MGMT: variants seen among roughly 807,000 people sequenced by gnomAD.
MGMT encodes methylated-DNA--protein-cysteine methyltransferase.
In MGMT, 14 loss-of-function variants were observed where a neutral mutation model predicts 15.9. The ratio of observed to expected loss-of-function variants is 0.88; its 90% confidence interval spans 0.58 to 1.37. The LOEUF is 1.37. MGMT is among the 40% of genes most tolerant of loss of function. MGMT has a pLI of 0.00. For synonymous variants in MGMT, 130 were observed against 118.2 expected, an observed-to-expected ratio of 1.10 and a Z score of -0.65; for missense variants, 282 against 268.1, an observed-to-expected ratio of 1.05 and a Z score of -0.36.
At chr10:129,505,913 T>C (rs1845620026) in intron 1 of MGMT, among the ~76,000 whole-genome samples, 1 of 151,728 alleles carries the variant, frequency 6.6e-6, no homozygotes, top group South Asian at 2.1e-4. Flanking sequence ...TTTGATCCCT[T>C]CGGTCAGGTG....
intron 2 of MGMT, among the ~76,000 whole-genome samples, chr10:129,538,254 G>A (rs1846007186): frequency 6.6e-6 from 1 of 152,186 alleles, no homozygotes; most frequent in Admixed American, 6.5e-5. Flanking sequence ...GAACATTCAA[G>A]ATATGGAACA....
chr10:129,676,547 G>A (rs140642047), intron 2 of MGMT, among the ~76,000 whole-genome samples: 31 of 152,330 alleles, frequency 2.0e-4, no homozygotes, highest in Admixed American at 5.2e-4. Flanking sequence ...TGTTTGCAGG[G>A]GTTGGGCCAC....
chr10:129,503,867 G>A (rs979722338), intron 1 of MGMT, among the ~76,000 whole-genome samples: 3 of 152,144 alleles, frequency 2.0e-5, no homozygotes, highest in African/African-American at 7.2e-5. Context: ...AAATTGTTTA[G>A]ATATCAAAGG....
At chr10:129,525,496 C>T (rs538738154) in intron 1 of MGMT, among the ~76,000 whole-genome samples, 11 of 152,286 alleles carry the variant, frequency 7.2e-5, no homozygotes, top group South Asian at 2.1e-4. Context: ...ATAAGACGCA[C>T]GTGCCTGGGG....
intron 1 of MGMT, among the ~76,000 whole-genome samples, chr10:129,503,498 G>A (rs970919900): frequency 2.6e-5 from 4 of 152,226 alleles, no homozygotes; most frequent in Non-Finnish European, 5.9e-5. Flanking sequence ...ATGAAATGTG[G>A]TGTTGCAATA....
Position 129,556,453 on chromosome 10 carries a change from C to T in MGMT, c.125+20076C>T, listed in dbSNP as rs1846215033. ...CTTCTGCAAGCCAAGGAGAGAGCGCCTTGGAGAAAACCAGCTGTGCCTACA... is the reference window on the plus strand; with the variant it reads ...CTTCTGCAAGCCAAGGAGAGAGCGCTTTGGAGAAAACCAGCTGTGCCTACA... On this transcript the variant is annotated intron_variant, in intron 2 of 4. Transcript: ENST00000651593. The surrounding 1 kb of genome is among the most constrained non-coding windows in gnomAD (Gnocchi z 4.3). Among the ~76,000 whole-genome samples the T allele has an allele frequency of 6.6e-6, 1 of 152,120 alleles. No homozygotes were observed. Among genetic ancestry groups the T allele is most frequent in the South Asian group, 2.1e-4 (1 of 4,826 alleles).
At chr10:129,548,143 A>G (rs1012941043) in intron 2 of MGMT, among the ~76,000 whole-genome samples, 1 of 152,170 alleles carries the variant, frequency 6.6e-6, no homozygotes, top group Non-Finnish European at 1.5e-5. Context: ...AACCCATTAT[A>G]GTAGGAAAAT....
intron 2 of MGMT, among the ~76,000 whole-genome samples, chr10:129,669,200 AT>A (rs566347065): frequency 4.0e-5 from 6 of 151,144 alleles, no homozygotes; most frequent in South Asian, 4.2e-4. Flanking sequence ...TTTTACTGCA[AT>A]TTTTTTTTGT....
chr10:129,526,157 A>G (rs1294669724), intron 1 of MGMT, among the ~76,000 whole-genome samples: 3 of 152,240 alleles, frequency 2.0e-5, no homozygotes, highest in African/African-American at 7.2e-5. Flanking sequence ...GGTGAGCATC[A>G]GCCACACCAC....
intron 1 of MGMT, among the ~76,000 whole-genome samples, chr10:129,501,586 T>G (rs1452157071): frequency 6.6e-6 from 1 of 152,176 alleles, no homozygotes; most frequent in African/African-American, 2.4e-5. Context: ...AGTCAGTCAT[T>G]TACCTCCCCA....
intron 2 of MGMT, among the ~76,000 whole-genome samples, chr10:129,620,449 T>C (rs969410177): frequency 6.6e-6 from 1 of 152,216 alleles, no homozygotes; most frequent in Non-Finnish European, 1.5e-5. Flanking sequence ...ACTCGAATTA[T>C]GGATTTGTCT....
intron 1 of MGMT, among the ~76,000 whole-genome samples, chr10:129,536,020 A>G (rs547977186): frequency 7.9e-5 from 12 of 152,344 alleles, no homozygotes; most frequent in Admixed American, 2.0e-4. Context: ...TTTAGGAAAT[A>G]AAAGGAGACT....
chr10:129,596,080 A>G (rs1477645054), intron 2 of MGMT, among the ~76,000 whole-genome samples: 1 of 150,408 alleles, frequency 6.6e-6, no homozygotes, highest in Non-Finnish European at 1.5e-5. Flanking sequence ...ATCATTGCTT[A>G]CTTCCCCCTG....
chr10:129,540,512 G>A (rs1040829675), intron 2 of MGMT, among the ~76,000 whole-genome samples: 25 of 152,178 alleles, frequency 1.6e-4, no homozygotes, highest in African/African-American at 4.6e-4. Context: ...TTTCAGAGGC[G>A]TCTTCCTCAC....
intron 1 of MGMT, among the ~76,000 whole-genome samples, chr10:129,529,732 A>G (rs546617798): frequency 1.3e-5 from 2 of 152,318 alleles, no homozygotes; most frequent in South Asian, 2.1e-4. Flanking sequence ...TTTGTTTTGC[A>G]TATAAGACAT....
intron 3 of MGMT, among the ~76,000 whole-genome samples, chr10:129,719,493 G>A (rs1228989702): frequency 1.3e-5 from 2 of 152,204 alleles, no homozygotes; most frequent in East Asian, 1.9e-4. Flanking sequence ...GTCCGAGACC[G>A]AGGTGCGGCA....
intron 1 of MGMT, among the ~76,000 whole-genome samples, chr10:129,478,540 A>C (rs1845321327): frequency 1.3e-5 from 2 of 152,256 alleles, no homozygotes; most frequent in African/African-American, 4.8e-5. Context: ...TAACTCACCA[A>C]TTCATGCTGT....
At chr10:129,631,215 A>G (rs1385647568) in intron 2 of MGMT, among the ~76,000 whole-genome samples, 1 of 152,058 alleles carries the variant, frequency 6.6e-6, no homozygotes, top group African/African-American at 2.4e-5. Flanking sequence ...CTCAGCTGTG[A>G]CAACGTAGCC....
chr10:129,541,624 G>A (rs770127690), intron 2 of MGMT, among the ~76,000 whole-genome samples: 5 of 151,888 alleles, frequency 3.3e-5, no homozygotes, highest in Non-Finnish European at 4.4e-5. Context: ...TGGAAGCTGG[G>A]GAGCTAAGGG....
Sources: gnomAD v4.1 joint callset for allele counts (sites outside exome capture counted in the v4.1 genomes callset) on GRCh38, gnomAD v4.1.1 for gene constraint, Gnocchi (gnomAD v3.1) non-coding constraint, MANE v1.5 for transcripts, NCBI Gene and HGNC (gene_info 2026-07-23, HGNC 2026-07-21) for gene names.